Variants in ARFGEF3 observed in about 807,000 individuals in gnomAD.
The protein encoded by ARFGEF3 is brefeldin A-inhibited guanine nucleotide-exchange protein 3.
Under a neutral mutation model 221.7 loss-of-function variants are expected in ARFGEF3, and 96 were observed. The observed-to-expected ratio is 0.43, with a 90% CI of 0.37 to 0.51. The LOEUF (loss-of-function observed/expected upper bound fraction) is 0.51, where lower values mean the gene tolerates loss of function less well. Ranked by LOEUF, ARFGEF3 falls within the 20% of genes least tolerant of loss-of-function variation. The pLI is 0.00. For synonymous variants in ARFGEF3, 1,145 were observed against 1,126.8 expected (o/e 1.02, Z -0.32); for missense variants, 2,410 against 2,789.9 (o/e 0.86, Z 3.07).
At chr6:138,211,119 C>T (rs1377152218) in intron 4 of ARFGEF3, among the ~76,000 whole-genome samples, 1 of 152,160 alleles carries the variant, frequency 6.6e-6, no homozygotes, top group Non-Finnish European at 1.5e-5. Context: ...TAGTAGGACC[C>T]ACCCAATAGG....
intron 4 of ARFGEF3, among the ~76,000 whole-genome samples, chr6:138,210,660 A>G (rs868039996): frequency 2.6e-5 from 4 of 152,172 alleles, no homozygotes; most frequent in Admixed American, 6.5e-5. Flanking sequence ...TGAGTTGGGC[A>G]GAAAGGACAG....
intron 25 of ARFGEF3, among the ~76,000 whole-genome samples, chr6:138,312,373 T>G (rs1387273714): frequency 2.6e-5 from 4 of 152,050 alleles, no homozygotes; most frequent in East Asian, 1.9e-4. Flanking sequence ...AACCTCTTCC[T>G]GGGTGATAGC....
intron 4 of ARFGEF3, chr6:138,217,976 A>G: frequency 6.3e-7 from 1 of 1,584,466 alleles, no homozygotes; most frequent in Non-Finnish European, 8.6e-7. Flanking sequence ...GCTTTGCAGC[A>G]GGGCTGAGAG....
intron 8 of ARFGEF3, among the ~76,000 whole-genome samples, chr6:138,251,933 T>C (rs986873438): frequency 2.6e-5 from 4 of 152,140 alleles, no homozygotes; most frequent in Non-Finnish European, 5.9e-5. Context: ...CTGTTTCATG[T>C]CAGGAGCTAC....
intron 17 of ARFGEF3, among the ~76,000 whole-genome samples, chr6:138,288,525 TA>T (rs1348933059): frequency 1.3e-5 from 2 of 151,762 alleles, no homozygotes; most frequent in Non-Finnish European, 1.5e-5. Flanking sequence ...CCGTCTCTAC[TA>T]AAAAATACAA....
At chr6:138,211,821 G>A (rs758937692) in intron 4 of ARFGEF3, among the ~76,000 whole-genome samples, 29 of 152,242 alleles carry the variant, frequency 1.9e-4, no homozygotes, top group African/African-American at 5.5e-4. Flanking sequence ...ATTCCATCCC[G>A]CCCAGCAGTG....
chr6:138,263,647 A>T, intron 12 of ARFGEF3, 36 bp downstream of exon 12: 1 of 1,540,366 alleles, frequency 6.5e-7, no homozygotes, highest in South Asian at 1.2e-5. Context: ...AGTCAACAAG[A>T]TTATTCAGAG....
rs755073997 is a variant in ARFGEF3, at chr6:138,334,689, C to T, written c.5843C>T (p.Ser1948Phe). The T allele has an allele frequency of 6.2e-7, 1 of 1,611,334 alleles. No homozygotes were observed. The highest frequency in any genetic ancestry group is 1.1e-5 in the South Asian group (1 of 91,020). Residue 1948 changes from serine to phenylalanine, a missense_variant, in exon 33 of 34, where the codon TCC becomes TTC. This residue lies in a region of ARFGEF3 where 339 missense variants were observed against 334.9 expected (regional missense o/e 1.01). Coordinates refer to ENST00000251691, the MANE Select transcript of ARFGEF3 (RefSeq NM_020340.5). The surrounding 1 kb of genome is among the most constrained non-coding windows in gnomAD (Gnocchi z 5.1). Reference protein sequence around the residue: ...FILPSFQSESSTPSTGGFSGK... With the variant: ...FILPSFQSESFTPSTGGFSGK... The stretch of plus-strand genomic sequence containing the variant: ...CTGCCCTCCTTCCAGTCCGAGTCAT[C>T]CACCCCATCCACCGGGGGCTTCTCT...
chr6:138,311,612 C>T, intron 25 of ARFGEF3, 102 bp downstream of exon 25: 1 of 753,858 alleles, frequency 1.3e-6, no homozygotes, highest in South Asian at 1.6e-5. Context: ...GAGAGAGACA[C>T]TTTGCCGTCT....
chr6:138,342,713 G>A lies in ARFGEF3; in HGVS notation c.*6227G>A, dbSNP rs760136001. On this transcript the variant is annotated 3_prime_UTR_variant, in exon 34 of 34. Coordinates refer to ENST00000251691, the MANE Select transcript of ARFGEF3 (RefSeq NM_020340.5). ...AGCTCCTTTACAGCCTTGGCTCCTG[G>A]CTTACAGATTTTTGAATAGTTGTTT... 6.6e-6 allele frequency: 1 copy of A among 152,088 alleles called. No individual in the cohort carries two copies. Among genetic ancestry groups the A allele is most frequent in the African/African-American group, 2.4e-5 (1 of 41,426 alleles). 9.4% of individuals were successfully genotyped at this position (152,088 alleles called of 1,614,324 possible). A position where few individuals can be genotyped will look rare whatever the true frequency, so the allele number is the denominator to read the frequency against.
chr6:138,312,364 A>T (rs1244981151), intron 25 of ARFGEF3, among the ~76,000 whole-genome samples: 1 of 151,578 alleles, frequency 6.6e-6, no homozygotes, highest in African/African-American at 2.4e-5. Flanking sequence ...TCTATGTACA[A>T]CCTCTTCCTG....
Position 138,270,437 on chromosome 6 carries a change from C to CACACACACAA in ARFGEF3, c.2128+6835_2128+6836insAACACACACA, listed in dbSNP as rs1233918142. 2.3e-5 allele frequency among the ~76,000 whole-genome samples: 3 copies of CACACACACAA among 131,374 alleles called. No individual in the cohort carries two copies. The South Asian group carries it at 6.4e-4, about 28-fold the overall frequency. The allele number at this position is 131,374 out of a possible 152,430, so 86.2% of individuals were successfully genotyped here. A position where few individuals can be genotyped will look rare whatever the true frequency, so the allele number is the denominator to read the frequency against. On this transcript the variant is annotated intron_variant, in intron 12 of 33. Transcript: ENST00000251691. ...CAGGAATTTTACGTAGACACACACA[C>CACACACACAA]ACACACACACACACACACACACACA... is the stretch of plus-strand genomic sequence containing the variant.
chr6:138,225,732 G>A (rs1288008943), intron 4 of ARFGEF3, among the ~76,000 whole-genome samples: 1 of 152,096 alleles, frequency 6.6e-6, no homozygotes, highest in African/African-American at 2.4e-5. Context: ...GATAAGACAT[G>A]GAGTGAAAAA....
At position 138,336,585 on chromosome 6, in the gene ARFGEF3, C is replaced by A; in HGVS notation, c.*99C>A. On this transcript the variant is annotated 3_prime_UTR_variant, in exon 34 of 34. Transcript: ENST00000251691. ...TTCCCCACCACTAGCCCCACTTAAA[C>A]TACTACTACTGTCTCAGAGAACAGT... 1.1e-6 allele frequency: 1 copy of A among 927,624 alleles called. No individual in the cohort carries two copies. The highest frequency in any genetic ancestry group is 1.6e-6 in the Non-Finnish European group (1 of 625,984). The allele number at this position is 927,624 out of a possible 1,614,324, so 57.5% of individuals were successfully genotyped here.
intron 29 of ARFGEF3, among the ~76,000 whole-genome samples, chr6:138,322,890 G>A (rs922929109): frequency 6.6e-6 from 1 of 151,806 alleles, no homozygotes; most frequent in Admixed American, 6.6e-5. Flanking sequence ...CCAGGCACAT[G>A]GGAGGGCGGG....
intron 17 of ARFGEF3, among the ~76,000 whole-genome samples, chr6:138,288,624 G>T (rs892128093): frequency 2.6e-5 from 4 of 152,080 alleles, no homozygotes; most frequent in Non-Finnish European, 5.9e-5. Context: ...GGGAGAGGTT[G>T]CAGTGAACCA....
At chr6:138,277,019 A>C (rs1360675396) in intron 12 of ARFGEF3, among the ~76,000 whole-genome samples, 1 of 152,212 alleles carries the variant, frequency 6.6e-6, no homozygotes, top group Admixed American at 6.5e-5. Flanking sequence ...GTAAAAATAG[A>C]TGTAACAAAA....
intron 31 of ARFGEF3, among the ~76,000 whole-genome samples, chr6:138,325,127 TAAAC>T (rs1305730658): frequency 1.3e-5 from 2 of 152,250 alleles, no homozygotes; most frequent in East Asian, 1.9e-4. Context: ...TTTAAAATAT[TAAAC>T]AAGTTTTATG....
chr6:138,203,178 T>C (rs1182974136), intron 2 of ARFGEF3, among the ~76,000 whole-genome samples: 1 of 150,140 alleles, frequency 6.7e-6, no homozygotes, highest in Non-Finnish European at 1.5e-5. Context: ...GTGTGTGTGT[T>C]TAAGAACTAA....
Sources: gnomAD v4.1 joint callset for allele counts (sites outside exome capture counted in the v4.1 genomes callset) on GRCh38, gnomAD v4.1.1 for gene constraint, gnomAD v4.1.1 regional missense constraint, Gnocchi (gnomAD v3.1) non-coding constraint, MANE v1.5 for transcripts, NCBI Gene and HGNC (gene_info 2026-07-23, HGNC 2026-07-21) for gene names.